The following JMJD1C variants were observed in gnomAD, a reference collection of about 807,000 sequenced individuals.
JMJD1C encodes the protein jumonji domain containing 1C.
In JMJD1C, 31 loss-of-function variants were observed where a neutral mutation model predicts 245.3. The observed-to-expected ratio is 0.13, with a 90% CI of 0.09 to 0.17. JMJD1C has a LOEUF of 0.17. Ranked by LOEUF, JMJD1C falls within the 10% of genes least tolerant of loss-of-function variation. The probability of loss-of-function intolerance (pLI) is 1.00; values close to 1 mark genes in which losing one functional copy is unlikely to be tolerated. For missense variants in JMJD1C, 2,691 were observed against 3,000.2 expected (o/e 0.90, Z 2.41); for synonymous variants, 1,057 against 1,017.4 (o/e 1.04, Z -0.74).
intron 23 of JMJD1C, chr10:63,176,685 T>C (rs1842882236): frequency 4.1e-6 from 2 of 489,230 alleles, no homozygotes; most frequent in Non-Finnish European, 7.3e-6. Flanking sequence ...GAAATGCTCT[T>C]AACAGTTTAC....
chr10:63,198,389 G>A, intron 12 of JMJD1C, 124 bp downstream of exon 12: 2 of 648,518 alleles, frequency 3.1e-6, no homozygotes, highest in Non-Finnish European at 5.4e-6. Context: ...ACTGTAAAAA[G>A]GTATCATTAT....
chr10:63,299,646 C>A (rs147987692), intron 2 of JMJD1C, among the ~76,000 whole-genome samples: 5 of 152,084 alleles, frequency 3.3e-5, no homozygotes, highest in Non-Finnish European at 7.4e-5. Flanking sequence ...GATACTGCTG[C>A]CCATAGTTTT....
intron 2 of JMJD1C, among the ~76,000 whole-genome samples, chr10:63,277,469 A>T (rs1322751233): frequency 6.6e-6 from 1 of 152,200 alleles, no homozygotes; most frequent in East Asian, 1.9e-4. Context: ...TTACTAAAGT[A>T]GATCTCCTTT....
At chr10:63,369,870 T>C (rs1564842324) in intron 2 of JMJD1C, among the ~76,000 whole-genome samples, 1 of 152,146 alleles carries the variant, frequency 6.6e-6, no homozygotes. Context: ...CCTGGAGGCT[T>C]TGGCCACTGG....
At chr10:63,279,878 C>T (rs1020155207) in intron 2 of JMJD1C, among the ~76,000 whole-genome samples, 1 of 152,240 alleles carries the variant, frequency 6.6e-6, no homozygotes, top group South Asian at 2.1e-4. Flanking sequence ...AGGCTGGACA[C>T]GGTGGCTCAC....
At chr10:63,440,113 T>C (rs1490862556) in intron 1 of JMJD1C, among the ~76,000 whole-genome samples, 3 of 152,158 alleles carry the variant, frequency 2.0e-5, no homozygotes, top group South Asian at 4.1e-4. Context: ...GGTGGGCGGA[T>C]CACCTGAGGT....
At chr10:63,434,582 G>A (rs1950958718) in intron 1 of JMJD1C, among the ~76,000 whole-genome samples, 1 of 151,988 alleles carries the variant, frequency 6.6e-6, no homozygotes, top group African/African-American at 2.4e-5. Flanking sequence ...ATGAGATAAA[G>A]ATTGACCAAC....
intron 2 of JMJD1C, among the ~76,000 whole-genome samples, chr10:63,290,958 G>A (rs1360179238): frequency 6.6e-6 from 1 of 152,102 alleles, no homozygotes; most frequent in Non-Finnish European, 1.5e-5. Context: ...AACACTCATA[G>A]ATATTTAGTA....
At chr10:63,227,786 G>C (rs1029865624) in intron 3 of JMJD1C, among the ~76,000 whole-genome samples, 2 of 152,142 alleles carry the variant, frequency 1.3e-5, no homozygotes, top group African/African-American at 4.8e-5. Context: ...TGCCATACCA[G>C]TTTCGCCAGT....
intron 1 of JMJD1C, among the ~76,000 whole-genome samples, chr10:63,433,607 A>G (rs1950902614): frequency 7.4e-6 from 1 of 134,726 alleles, no homozygotes; most frequent in Admixed American, 8.1e-5. Context: ...TTTTTTTGAG[A>G]CAGGGTCTCG....
chr10:63,452,618 G>C (rs530811595), intron 1 of JMJD1C, among the ~76,000 whole-genome samples: 20 of 152,118 alleles, frequency 1.3e-4, no homozygotes, highest in Non-Finnish European at 2.6e-4. Context: ...GACTTAAATA[G>C]ATATGCTGAT....
At chr10:63,279,234 A>G (rs1857147842) in intron 2 of JMJD1C, among the ~76,000 whole-genome samples, 1 of 152,212 alleles carries the variant, frequency 6.6e-6, no homozygotes, top group Non-Finnish European at 1.5e-5. Flanking sequence ...TGGGCAAAAG[A>G]GCAAAAACGT....
At chr10:63,268,863 A>T (rs1289988976) in intron 2 of JMJD1C, 1 of 985,764 alleles carries the variant, frequency 1.0e-6, no homozygotes, top group Non-Finnish European at 1.2e-6. Context: ...GTCATTGTAT[A>T]GGAAGAAAAG....
chr10:63,302,423 C>T (rs778845649), intron 2 of JMJD1C, among the ~76,000 whole-genome samples: 9 of 152,214 alleles, frequency 5.9e-5, no homozygotes, highest in East Asian at 5.8e-4. Flanking sequence ...TTTTCAAAAA[C>T]GTGTTCAAAA....
At chr10:63,384,331 T>C (rs188892444) in intron 1 of JMJD1C, among the ~76,000 whole-genome samples, 1 of 152,346 alleles carries the variant, frequency 6.6e-6, no homozygotes, top group East Asian at 1.9e-4. Flanking sequence ...CAAAAGGTTT[T>C]CAGTTTACTT....
chr10:63,329,786 C>A lies in JMJD1C; in HGVS notation c.333+50532G>T, dbSNP rs1296297745. Among the ~76,000 whole-genome samples the A allele has an allele frequency of 6.6e-5, 10 of 152,322 alleles. 1 individual carries two copies. Among genetic ancestry groups the A allele is most frequent in the African/African-American group, 2.4e-4 (10 of 41,576 alleles). ...TCAATGTGGGTTAGCAGCAGTAAGC[C>A]ACAGCTCCCCGTCAGCCACACTATT... On this transcript the variant is annotated intron_variant, in intron 2 of 25. Coordinates refer to ENST00000399262, the MANE Select transcript of JMJD1C (RefSeq NM_032776.3).
At chr10:63,191,144 T>C (rs950432580) in intron 16 of JMJD1C, 36 bp from the exon 17 acceptor site, 2 of 1,559,820 alleles carry the variant, frequency 1.3e-6, no homozygotes, top group Non-Finnish European at 1.8e-6. Context: ...TGTTTTGTTT[T>C]GTTTTGAGAC....
intron 17 of JMJD1C, among the ~76,000 whole-genome samples, chr10:63,189,969 C>A (rs544731207): frequency 1.3e-3 from 201 of 151,352 alleles, no homozygotes; most frequent in Admixed American, 7.2e-3. Context: ...CAGCTCACTA[C>A]AAGCTCCGCC....
intron 1 of JMJD1C, among the ~76,000 whole-genome samples, chr10:63,429,105 C>G (rs780321671): frequency 1.3e-5 from 2 of 152,084 alleles, no homozygotes; most frequent in African/African-American, 2.4e-5. Flanking sequence ...CTCGGCCTCC[C>G]GGGTAGCTGG....
Sources: gnomAD v4.1 joint callset for allele counts (sites outside exome capture counted in the v4.1 genomes callset) on GRCh38, gnomAD v4.1.1 for gene constraint, MANE v1.5 for transcripts, NCBI Gene and HGNC (gene_info 2026-07-23, HGNC 2026-07-21) for gene names.